CAST: variants seen among roughly 807,000 people sequenced by gnomAD.
CAST encodes the protein calpastatin.
CAST carries 76 observed loss-of-function variants against 119.6 expected under a neutral mutation model. The observed-to-expected ratio is 0.64, with a 90% confidence interval of 0.53 to 0.77. CAST has a LOEUF of 0.77. CAST is among the 30% of genes least tolerant of loss of function. CAST has a pLI of 0.00. For missense variants in CAST, 953 were observed against 946.5 expected (o/e 1.01, Z -0.09); for synonymous variants, 319 against 331.6 (o/e 0.96, Z 0.41).
At chr5:96,566,144 G>C (rs1317075819) in intron 1 of CAST, among the ~76,000 whole-genome samples, 1 of 152,182 alleles carries the variant, frequency 6.6e-6, no homozygotes, top group African/African-American at 2.4e-5. Context: ...GATGTCTTCA[G>C]TGGGAATGAC....
At chr5:96,534,762 A>AG (rs1745763198) in intron 1 of CAST, among the ~76,000 whole-genome samples, 1 of 116,912 alleles carries the variant, frequency 8.6e-6, no homozygotes, top group Non-Finnish European at 1.8e-5. Flanking sequence ...AGAAAGAAAG[A>AG]AAGAAAGAAA....
the CAST span, among the ~76,000 whole-genome samples, chr5:96,355,558 TG>T: frequency 6.6e-6 from 1 of 152,170 alleles, no homozygotes; most frequent in African/African-American, 2.4e-5. Flanking sequence ...TTAGGATAGC[TG>T]GGTCAAATGG....
intron 2 of CAST, among the ~76,000 whole-genome samples, chr5:96,683,935 C>T (rs533806050): frequency 6.6e-6 from 1 of 152,146 alleles, no homozygotes; most frequent in African/African-American, 2.4e-5. Context: ...CATTCTGAGA[C>T]CACAGTGAGA....
chr5:96,585,088 GT>G (rs1222384388), intron 1 of CAST: 7 of 152,202 alleles, frequency 4.6e-5, no homozygotes, highest in African/African-American at 7.2e-5. Flanking sequence ...TGCACATACT[GT>G]TATGGCTAAT....
chr5:96,171,792 G>A, the CAST span, among the ~76,000 whole-genome samples: 1 of 152,222 alleles, frequency 6.6e-6, no homozygotes, highest in African/African-American at 2.4e-5. Flanking sequence ...AAAAGAGGGT[G>A]CTTACCCGAT....
the CAST span, among the ~76,000 whole-genome samples, chr5:96,109,933 T>TAAAA: frequency 6.8e-6 from 1 of 146,566 alleles, no homozygotes; most frequent in Admixed American, 6.8e-5. Context: ...GTAAAAATGA[T>TAAAA]AAAAAAAAAA....
chr5:95,965,763 G>A, the CAST span, among the ~76,000 whole-genome samples: 3 of 152,158 alleles, frequency 2.0e-5, no homozygotes, highest in African/African-American at 7.2e-5. Context: ...TGAAGTGGAA[G>A]CTTGATAGTT....
chr5:95,972,124 A>G, the CAST span, among the ~76,000 whole-genome samples: 3 of 148,890 alleles, frequency 2.0e-5, no homozygotes, highest in African/African-American at 5.2e-5. Context: ...AAACACAGCT[A>G]ATTATTTTCT....
chr5:96,314,843 A>G, the CAST span, among the ~76,000 whole-genome samples: 1 of 152,234 alleles, frequency 6.6e-6, no homozygotes, highest in Non-Finnish European at 1.5e-5. Context: ...AACATAAAGT[A>G]CACACTCAAT....
At chr5:96,043,184 T>G in the CAST span, among the ~76,000 whole-genome samples, 1 of 152,222 alleles carries the variant, frequency 6.6e-6, no homozygotes, top group African/African-American at 2.4e-5. Context: ...TATCCTTTAC[T>G]TGGCAGATCA....
intron 1 of CAST, among the ~76,000 whole-genome samples, chr5:96,609,240 T>C (rs977919388): frequency 1.3e-5 from 2 of 152,252 alleles, no homozygotes; most frequent in African/African-American, 4.8e-5. Flanking sequence ...CAATATCCTA[T>C]TCTGAATAAA....
intron 3 of CAST, among the ~76,000 whole-genome samples, chr5:96,699,173 T>A (rs1421839488): frequency 2.0e-5 from 3 of 152,222 alleles, no homozygotes; most frequent in Admixed American, 6.5e-5. Flanking sequence ...CTAAAGCCTA[T>A]ATGAAAATAG....
At chr5:96,306,302 A>G in the CAST span, among the ~76,000 whole-genome samples, 1 of 152,008 alleles carries the variant, frequency 6.6e-6, no homozygotes, top group African/African-American at 2.4e-5. Flanking sequence ...TATTCCCTTT[A>G]TCATTTTTAT....
chr5:96,354,315 TAAAG>T, the CAST span, among the ~76,000 whole-genome samples: 1 of 152,206 alleles, frequency 6.6e-6, no homozygotes, highest in African/African-American at 2.4e-5. Context: ...CACATATACA[TAAAG>T]AGTCAAATAA....
chr5:96,718,113 C>T (rs1757511586), intron 3 of CAST, among the ~76,000 whole-genome samples: 1 of 152,118 alleles, frequency 6.6e-6, no homozygotes, highest in Non-Finnish European at 1.5e-5. Context: ...CTGAGAGCAG[C>T]TTCATGGTAT....
chr5:96,711,152 A>T (rs1287993175), intron 3 of CAST, among the ~76,000 whole-genome samples: 3 of 152,182 alleles, frequency 2.0e-5, no homozygotes, highest in Admixed American at 6.5e-5. Flanking sequence ...CCATATTTTC[A>T]ATTAAAATCT....
chr5:96,706,451 G>A (rs1755001299), intron 3 of CAST, among the ~76,000 whole-genome samples: 1 of 152,196 alleles, frequency 6.6e-6, no homozygotes, highest in African/African-American at 2.4e-5. Flanking sequence ...AAAGCGGAGT[G>A]AAAGGTTAAA....
intron 1 of CAST, among the ~76,000 whole-genome samples, chr5:96,560,641 A>G (rs896784490): frequency 5.6e-4 from 86 of 152,218 alleles, no homozygotes; most frequent in Non-Finnish European, 1.0e-3. Context: ...GCAAATCAAA[A>G]CCACAATGAG....
intron 9 of CAST, among the ~76,000 whole-genome samples, chr5:96,733,430 A>T (rs1390308248): frequency 6.6e-6 from 1 of 152,246 alleles, no homozygotes; most frequent in Non-Finnish European, 1.5e-5. Flanking sequence ...ATCAAAATTT[A>T]CAGTTTTGAG....
Sources: gnomAD v4.1 joint callset for allele counts (sites outside exome capture counted in the v4.1 genomes callset) on GRCh38, gnomAD v4.1.1 for gene constraint, MANE v1.5 for transcripts, NCBI Gene and HGNC (gene_info 2026-07-23, HGNC 2026-07-21) for gene names.